LUZP2: variants seen among roughly 807,000 people sequenced by gnomAD.
The protein encoded by LUZP2 is leucine zipper protein 2.
In LUZP2, 52 loss-of-function variants were observed where a neutral mutation model predicts 51.6. The observed-to-expected ratio is 1.01, with a 90% confidence interval of 0.81 to 1.27. The LOEUF (loss-of-function observed/expected upper bound fraction) is 1.27. Ranked by LOEUF, LUZP2 falls within the 50% of genes most tolerant of loss-of-function variation. The pLI is 0.00. For missense variants in LUZP2, 436 were observed against 395.4 expected (o/e 1.10, Z -0.87); for synonymous variants, 154 against 137.3 (o/e 1.12, Z -0.85).
chr11:24,703,836 AAAAC>A (rs1030305187), intron 1 of LUZP2, among the ~76,000 whole-genome samples: 11 of 132,688 alleles, frequency 8.3e-5, no homozygotes, highest in East Asian at 2.3e-4. Flanking sequence ...CAAAAAACAA[AAAAC>A]AAACAAACAA....
intron 10 of LUZP2, among the ~76,000 whole-genome samples, chr11:25,072,839 G>T (rs1156531082): frequency 6.6e-6 from 1 of 150,736 alleles, no homozygotes; most frequent in Non-Finnish European, 1.5e-5. Flanking sequence ...AACACAATTT[G>T]GTGTCATCTT....
chr11:24,648,394 T>C (rs1046904354), intron 1 of LUZP2, among the ~76,000 whole-genome samples: 2 of 151,952 alleles, frequency 1.3e-5, no homozygotes, highest in African/African-American at 4.8e-5. Context: ...TAATATATAC[T>C]ACATATTTAG....
At chr11:24,635,978 T>G (rs1019349573) in intron 1 of LUZP2, among the ~76,000 whole-genome samples, 1 of 152,156 alleles carries the variant, frequency 6.6e-6, no homozygotes. Context: ...ATTGTCAGTG[T>G]GGTGGCTTGA....
At chr11:25,062,140 A>G (rs1858858312) in intron 10 of LUZP2, among the ~76,000 whole-genome samples, 1 of 151,256 alleles carries the variant, frequency 6.6e-6, no homozygotes, top group South Asian at 2.1e-4. Flanking sequence ...GAGACAGGAG[A>G]AAGGAAGGGA....
At chr11:24,531,096 TA>T (rs35724008) in intron 1 of LUZP2, among the ~76,000 whole-genome samples, 1 of 148,626 alleles carries the variant, frequency 6.7e-6, no homozygotes, top group African/African-American at 2.5e-5. Context: ...AATATTACCA[TA>T]AAAAAGCAAC....
intron 9 of LUZP2, among the ~76,000 whole-genome samples, chr11:25,014,446 A>C (rs6484094): frequency 0.97 from 147,054 of 152,218 alleles, 71,215 homozygotes; most frequent in East Asian, 1. Flanking sequence ...ACCCTTCTAA[A>C]TGGTGTGAGA....
chr11:24,822,062 A>G (rs984234709), intron 5 of LUZP2, among the ~76,000 whole-genome samples: 5 of 151,268 alleles, frequency 3.3e-5, no homozygotes, highest in African/African-American at 1.2e-4. Flanking sequence ...GGGTTAGGAT[A>G]TGTTCTTTGT....
chr11:25,069,024 T>G (rs1225160668), intron 10 of LUZP2, among the ~76,000 whole-genome samples: 2 of 152,022 alleles, frequency 1.3e-5, no homozygotes, highest in Non-Finnish European at 2.9e-5. Flanking sequence ...TACAGCTCAC[T>G]GATTCATCAG....
At chr11:24,570,541 TG>T (rs1208292290) in intron 1 of LUZP2, among the ~76,000 whole-genome samples, 1 of 152,058 alleles carries the variant, frequency 6.6e-6, no homozygotes. Flanking sequence ...GGAAATTTAT[TG>T]AAGACTAATC....
At chr11:25,004,459 A>G (rs371344187) in intron 9 of LUZP2, among the ~76,000 whole-genome samples, 13 of 152,136 alleles carry the variant, frequency 8.5e-5, no homozygotes, top group Admixed American at 2.6e-4. Context: ...ATTATAGAAC[A>G]CTGTGGTTGC....
intron 1 of LUZP2, among the ~76,000 whole-genome samples, chr11:24,628,746 T>C (rs1285967307): frequency 6.6e-6 from 1 of 151,816 alleles, no homozygotes; most frequent in Non-Finnish European, 1.5e-5. Flanking sequence ...TTTAGTAGAG[T>C]CAGGGTTTCA....
chr11:24,873,669 C>T (rs2134273213), intron 5 of LUZP2, among the ~76,000 whole-genome samples: 1 of 124,448 alleles, frequency 8.0e-6, no homozygotes, highest in East Asian at 3.2e-4. Context: ...TGAGGCCATG[C>T]TCTCACACTC....
chr11:24,912,114 C>T (rs985166864), intron 6 of LUZP2, among the ~76,000 whole-genome samples: 1 of 151,866 alleles, frequency 6.6e-6, no homozygotes, highest in East Asian at 1.9e-4. Flanking sequence ...CTTTTCCTTT[C>T]GTTTCCTTTC....
At chr11:24,918,415 G>A (rs1041538898) in intron 7 of LUZP2, among the ~76,000 whole-genome samples, 1 of 151,882 alleles carries the variant, frequency 6.6e-6, no homozygotes, top group Non-Finnish European at 1.5e-5. Context: ...TCTTGTGCCG[G>A]TTTTCAAAGG....
intron 1 of LUZP2, among the ~76,000 whole-genome samples, chr11:24,543,343 T>C (rs1851438574): frequency 6.6e-6 from 1 of 152,068 alleles, no homozygotes. Context: ...TACTGTGCCA[T>C]TTTTAAAACT....
intron 7 of LUZP2, among the ~76,000 whole-genome samples, chr11:24,943,518 G>A (rs1854814977): frequency 6.6e-6 from 1 of 152,006 alleles, no homozygotes; most frequent in Admixed American, 6.6e-5. Flanking sequence ...TTTTCCTGTA[G>A]GACTATAAGC....
At chr11:24,591,370 T>A (rs868670500) in intron 1 of LUZP2, among the ~76,000 whole-genome samples, 2 of 152,176 alleles carry the variant, frequency 1.3e-5, no homozygotes, top group African/African-American at 2.4e-5. Flanking sequence ...CCACCGCTGA[T>A]GCCTTTCTGA....
chr11:24,588,720 G>C (rs1163945002), intron 1 of LUZP2, among the ~76,000 whole-genome samples: 3 of 151,926 alleles, frequency 2.0e-5, no homozygotes, highest in Admixed American at 6.6e-5. Flanking sequence ...ATTTATGGGA[G>C]TCTAGGCCCT....
At chr11:24,777,258 G>A (rs1343329980) in intron 5 of LUZP2, among the ~76,000 whole-genome samples, 2 of 152,060 alleles carry the variant, frequency 1.3e-5, no homozygotes, top group Admixed American at 1.3e-4. Flanking sequence ...CTCCCAAAGT[G>A]CTGGAATTAC....
Sources: allele counts gnomAD v4.1 joint callset (sites outside exome capture counted in the v4.1 genomes callset), GRCh38; gene constraint gnomAD v4.1.1; transcripts MANE v1.5; gene names NCBI Gene and HGNC (gene_info 2026-07-23, HGNC 2026-07-21).